SSPN: variants seen among roughly 807,000 people sequenced by gnomAD.
SSPN encodes the protein sarcospan, also known as K-ras oncogene-associated protein.
Under a neutral mutation model 19.1 loss-of-function variants are expected in SSPN, and 15 were observed. That is an observed-to-expected ratio of 0.78 (90% CI 0.52 to 1.21). SSPN has a LOEUF of 1.21. Ranked by LOEUF, SSPN falls within the 50% of genes most tolerant of loss-of-function variation. The probability of loss-of-function intolerance (pLI) is 0.00; values close to 1 mark genes in which losing one functional copy is unlikely to be tolerated. For missense variants in SSPN, 291 were observed against 314.0 expected (o/e 0.93, Z 0.55); for synonymous variants, 147 against 140.3 (o/e 1.05, Z -0.34).
At chr12:26,179,258 G>T (rs2137439974) in intron 1 of SSPN, among the ~76,000 whole-genome samples, 1 of 152,300 alleles carries the variant, frequency 6.6e-6, no homozygotes, top group East Asian at 1.9e-4. Context: ...GGAATGAAAG[G>T]ATCCTAGTGT....
chr12:26,184,426 G>A (rs547010975), intron 1 of SSPN, among the ~76,000 whole-genome samples: 35 of 152,278 alleles, frequency 2.3e-4, no homozygotes, highest in African/African-American at 8.2e-4. Flanking sequence ...TGTGACACAT[G>A]CCACTTTATA....
In SSPN at chr12:26,232,617, T is replaced by G; in HGVS notation, c.*1541T>G. 2 of 985,358 alleles carry G rather than the reference T, an allele frequency of 2.0e-6. No individual in the cohort carries two copies. Among genetic ancestry groups the G allele is most frequent in the East Asian group, 1.1e-4 (1 of 8,826 alleles). The allele number at this position is 985,358 out of a possible 1,614,324, so 61.0% of individuals were successfully genotyped here. On this transcript the variant is annotated 3_prime_UTR_variant, in exon 3 of 3. Coordinates refer to ENST00000242729, the MANE Select transcript of SSPN (RefSeq NM_005086.5). ...TTGTCTTAGAAGAAAGTGGAATAAT[T>G]CCACTGATTGTGATAATGGTTTCAA...
At chr12:26,146,626 C>T (rs1944492288) in intron 1 of SSPN, among the ~76,000 whole-genome samples, 1 of 152,030 alleles carries the variant, frequency 6.6e-6, no homozygotes, top group Admixed American at 6.6e-5. Flanking sequence ...AGTTCAAGAC[C>T]AGCCTGGCCA....
intron 1 of SSPN, among the ~76,000 whole-genome samples, chr12:26,161,686 T>G (rs1565675275): frequency 6.6e-6 from 1 of 152,216 alleles, no homozygotes; most frequent in Non-Finnish European, 1.5e-5. Context: ...ATCTTTTTGG[T>G]ACCAGGGACC....
intron 1 of SSPN, among the ~76,000 whole-genome samples, chr12:26,199,112 G>A (rs932934225): frequency 6.6e-6 from 1 of 152,092 alleles, no homozygotes; most frequent in Non-Finnish European, 1.5e-5. Context: ...TGGAATTTGG[G>A]GATTGCCATT....
intron 1 of SSPN, among the ~76,000 whole-genome samples, chr12:26,208,781 T>C (rs1944954760): frequency 6.6e-6 from 1 of 152,180 alleles, no homozygotes; most frequent in Non-Finnish European, 1.5e-5. Context: ...CTCACATGGA[T>C]TGATAATTGT....
chr12:26,166,163 C>A (rs1591857957), intron 1 of SSPN, among the ~76,000 whole-genome samples: 1 of 152,076 alleles, frequency 6.6e-6, no homozygotes, highest in South Asian at 2.1e-4. Context: ...AGGAGAAATA[C>A]CTAATGTAGA....
chr12:26,195,770 C>CG lies in SSPN; in HGVS notation c.103dup (p.Ala35GlyfsTer78), dbSNP rs758032307. The stretch of plus-strand genomic sequence containing the variant: ...GACGACATGGAGCCGAAGAAGGGCA[C>CG]GGGGGCCCCCAAGGAGTGCGGGGAG... On this transcript the variant is annotated frameshift_variant, in exon 1 of 3. Transcript: ENST00000242729. LOFTEE classifies it high-confidence loss of function. 8 of 1,503,490 alleles carry CG rather than the reference C, an allele frequency of 5.3e-6. No homozygotes were observed. In the African/African-American group the frequency reaches 7.2e-5, roughly 14 times the overall value. 93.1% of individuals were successfully genotyped at this position (1,503,490 alleles called of 1,614,324 possible).
intron 1 of SSPN, among the ~76,000 whole-genome samples, chr12:26,223,192 C>A (rs1361959259): frequency 2.0e-5 from 3 of 152,140 alleles, no homozygotes; most frequent in Non-Finnish European, 4.4e-5. Context: ...AGATATTCAT[C>A]CTACCCTTTT....
Position 26,233,111 on chromosome 12 carries a change from C to A in SSPN, c.*2035C>A, listed in dbSNP as rs1252662374. The A allele has an allele frequency of 6.6e-6, 1 of 151,804 alleles. No homozygotes were observed. The highest frequency in any genetic ancestry group is 2.1e-4 in the South Asian group (1 of 4,824). The allele number at this position is 151,804 out of a possible 1,614,324, so 9.4% of individuals were successfully genotyped here. ...ATTAGGCACCACTGAAAGCACATCC[C>A]GAATTTCTTTAACAACAACATTTTA... is the stretch of plus-strand genomic sequence containing the variant. On this transcript the variant is annotated 3_prime_UTR_variant, in exon 3 of 3. Coordinates refer to ENST00000242729, the MANE Select transcript of SSPN (RefSeq NM_005086.5). This position sits in a 1 kb window ranked among gnomAD's most constrained non-coding sequence, Gnocchi z 4.3.
At chr12:26,173,386 C>G (rs1032506896) in intron 1 of SSPN, among the ~76,000 whole-genome samples, 1 of 152,166 alleles carries the variant, frequency 6.6e-6, no homozygotes, top group African/African-American at 2.4e-5. Flanking sequence ...TGAACTTTGC[C>G]CTCTGTAACT....
intron 1 of SSPN, among the ~76,000 whole-genome samples, chr12:26,210,834 C>A (rs1054852381): frequency 1.3e-5 from 2 of 152,014 alleles, no homozygotes; most frequent in Non-Finnish European, 2.9e-5. Flanking sequence ...AGAAATGAAA[C>A]CTTTTGATGC....
chr12:26,166,778 G>A (rs985501104), intron 1 of SSPN, among the ~76,000 whole-genome samples: 2 of 152,206 alleles, frequency 1.3e-5, no homozygotes, highest in Non-Finnish European at 2.9e-5. Context: ...AGCCTGCAAA[G>A]CCAAAAGTAT....
chr12:26,122,112 C>G (rs1206302622), exon 1 of SSPN: 1 of 1,549,566 alleles, frequency 6.5e-7, no homozygotes, highest in African/African-American at 1.4e-5. Flanking sequence ...CTGAGCAGAG[C>G]TCTCCGGGTT....
In SSPN at chr12:26,182,818, A is replaced by C. The variant is rs567485377; in HGVS notation, c.-30-41475A>C. 7.3e-5 allele frequency among the ~76,000 whole-genome samples: 11 copies of C among 150,944 alleles called. No homozygotes were observed. The South Asian group carries it at 2.1e-3, about 29-fold the overall frequency. On this transcript the variant is annotated intron_variant, in intron 1 of 2. Coordinates refer to the SSPN transcript ENST00000538142. ...CTCTCAGTCACCCAGGCTGAAGTGA[A>C]GTAGGGCAATCTGTGCTCACTACAA...
At position 26,195,867 on chromosome 12, in the gene SSPN, C is replaced by T. The variant is rs777824017; in HGVS notation, c.195C>T (p.Ile65=). 6.4e-7 allele frequency: 1 copy of T among 1,565,802 alleles called. No individual in the cohort carries two copies. ...CCCTGCTGCAGCTGGCCCTGGGCAT[C>T]GCCGTGACCGTGGTGGGCTTCCTCA... is the stretch of plus-strand genomic sequence containing the variant. ...LLALLQLALG[I]AVTVVGFLMA... The change falls in exon 1 of 3, where the codon ATC becomes ATT. Residue 65 remains isoleucine, a synonymous_variant. Coordinates refer to ENST00000242729, the MANE Select transcript of SSPN (RefSeq NM_005086.5).
At chr12:26,200,170 C>G (rs1944865401) in intron 1 of SSPN, among the ~76,000 whole-genome samples, 1 of 152,140 alleles carries the variant, frequency 6.6e-6, no homozygotes, top group South Asian at 2.1e-4. Context: ...GCTCCCATAC[C>G]CCACTCAGTG....
rs1945235871 is a variant in SSPN at position 26,231,743 on chromosome 12, T to A, written c.*667T>A. On this transcript the variant is annotated 3_prime_UTR_variant, in exon 3 of 3. Transcript: ENST00000242729. ...ATCACTTGCCAAATGCTTTAGATGA[T>A]TGCCTCTCAATAATTGAAAGGTGGT... is the stretch of plus-strand genomic sequence containing the variant. The A allele has an allele frequency of 4.6e-6, 1 of 219,216 alleles. No homozygotes were observed. 13.6% of individuals were successfully genotyped at this position (219,216 alleles called of 1,614,324 possible). A position where few individuals can be genotyped will look rare whatever the true frequency, so the allele number is the denominator to read the frequency against.
At chr12:26,187,047 G>A (rs916727426) in intron 1 of SSPN, among the ~76,000 whole-genome samples, 1 of 152,238 alleles carries the variant, frequency 6.6e-6, no homozygotes, top group African/African-American at 2.4e-5. Flanking sequence ...GGGAAAGGAA[G>A]CCCCCCACTG....
Sources: gnomAD v4.1 joint callset for allele counts (sites outside exome capture counted in the v4.1 genomes callset) on GRCh38, gnomAD v4.1.1 for gene constraint, Gnocchi (gnomAD v3.1) non-coding constraint, MANE v1.5 for transcripts, NCBI Gene and HGNC (gene_info 2026-07-23, HGNC 2026-07-21) for gene names.